MBNL2: variants seen among roughly 807,000 people sequenced by gnomAD.
MBNL2 encodes muscleblind-like protein 2.
Under a neutral mutation model 41.9 loss-of-function variants are expected in MBNL2, and 17 were observed. The observed-to-expected ratio is 0.41, with a 90% CI of 0.28 to 0.61. MBNL2 has a LOEUF of 0.61. Ranked by LOEUF, MBNL2 falls within the 20% of genes least tolerant of loss-of-function variation. The pLI is 0.35. For missense variants in MBNL2, 336 were observed against 505.6 expected (o/e 0.66, Z 3.22); for synonymous variants, 195 against 182.9 (o/e 1.07, Z -0.53).
Position 97,334,945 on chromosome 13 carries a change from A to T in MBNL2, c.339+505A>T, listed in dbSNP as rs72637467. Among the ~76,000 whole-genome samples, 23 of 152,344 alleles carry T rather than the reference A, an allele frequency of 1.5e-4. No homozygotes were observed. Among genetic ancestry groups the T allele is most frequent in the Admixed American group, 2.6e-4 (4 of 15,304 alleles). ...GACATGTTAGCAGAGCGCTTTCTGC[A>T]GTGTGTTCCAGGAAGATCCTAGTAA... On this transcript the variant is annotated intron_variant, in intron 3 of 8. Coordinates refer to ENST00000679496, the MANE Select transcript of MBNL2 (RefSeq NM_001382683.1). The surrounding 1 kb of genome is among the most constrained non-coding windows in gnomAD (Gnocchi z 5.3).
rs892625224 is a variant in MBNL2, at chr13:97,369,693, C to T, written c.1048+4522C>T. 3.8e-4 allele frequency among the ~76,000 whole-genome samples: 58 copies of T among 152,304 alleles called. 1 individual carries two copies. The highest frequency in any genetic ancestry group is 1.1e-3 in the Admixed American group (17 of 15,300). ...TAGGTCTAGTGCTATTTACACATTA[C>T]CCCACGGGGAGCCAAGCTGAACAAG... On this transcript the variant is annotated intron_variant, in intron 8 of 8. Transcript: ENST00000679496.
the MBNL2 span, among the ~76,000 whole-genome samples, chr13:97,163,073 C>G: frequency 2.0e-5 from 3 of 152,126 alleles, no homozygotes; most frequent in Non-Finnish European, 2.9e-5. Flanking sequence ...CCACTCTCAA[C>G]AACACCAACA....
At chr13:97,145,728 ATAGT>A in the MBNL2 span, among the ~76,000 whole-genome samples, 1 of 152,196 alleles carries the variant, frequency 6.6e-6, no homozygotes, top group Non-Finnish European at 1.5e-5. Flanking sequence ...TTATGAAATA[ATAGT>A]TTGTTGCAGA....
chr13:97,192,574 G>C, the MBNL2 span, among the ~76,000 whole-genome samples: 1 of 152,228 alleles, frequency 6.6e-6, no homozygotes, highest in Non-Finnish European at 1.5e-5. Context: ...GAACAGCCTC[G>C]TGGGTGCCCA....
At chr13:97,347,619 G>T (rs2062008708) in intron 5 of MBNL2, among the ~76,000 whole-genome samples, 1 of 152,214 alleles carries the variant, frequency 6.6e-6, no homozygotes, top group South Asian at 2.1e-4. Context: ...ATGCAGAATA[G>T]CAATGCATGA....
rs187686151 is a variant in MBNL2 at position 97,293,047 on chromosome 13, C to T, written c.174+16638C>T. On this transcript the variant is annotated intron_variant, in intron 2 of 8. Coordinates refer to ENST00000679496, the MANE Select transcript of MBNL2 (RefSeq NM_001382683.1). Reference sequence around the variant, plus strand: ...AGGACAAATTATTTTATCTCATCATCATTATTATTATTTTTACTTCTGTGT... The same window carrying T: ...AGGACAAATTATTTTATCTCATCATTATTATTATTATTTTTACTTCTGTGT... Among the ~76,000 whole-genome samples the T allele has an allele frequency of 9.8e-3, 1,444 of 148,060 alleles. 15 individuals carry two copies. The highest frequency in any genetic ancestry group is 0.031 in the African/African-American group (1,226 of 40,028).
At chr13:97,200,188 C>A in the MBNL2 span, among the ~76,000 whole-genome samples, 2 of 152,222 alleles carry the variant, frequency 1.3e-5, no homozygotes, top group East Asian at 1.9e-4. Flanking sequence ...CAGAGCTGCA[C>A]GTACACCCAC....
chr13:97,335,994 A>C (rs2060848863), intron 3 of MBNL2, among the ~76,000 whole-genome samples: 1 of 152,222 alleles, frequency 6.6e-6, no homozygotes, highest in Non-Finnish European at 1.5e-5. Flanking sequence ...TCAACATAAT[A>C]CCACCACATT....
intron 1 of MBNL2, among the ~76,000 whole-genome samples, chr13:97,252,569 T>G (rs1408647104): frequency 6.6e-6 from 1 of 152,222 alleles, no homozygotes; most frequent in Admixed American, 6.5e-5. Context: ...GTTAATTTTT[T>G]TGCTTGTCCA....
At chr13:97,318,914 C>G (rs966742747) in intron 2 of MBNL2, among the ~76,000 whole-genome samples, 5 of 152,162 alleles carry the variant, frequency 3.3e-5, no homozygotes, top group Admixed American at 6.5e-5. Flanking sequence ...GGTCTCCGCC[C>G]TCTCTAGGTA....
At chr13:97,154,108 A>C in the MBNL2 span, among the ~76,000 whole-genome samples, 4 of 152,206 alleles carry the variant, frequency 2.6e-5, no homozygotes, top group African/African-American at 7.2e-5. Context: ...TTTCTGTCTA[A>C]CATGTCTAGA....
chr13:97,255,921 G>A (rs897973402), intron 1 of MBNL2, among the ~76,000 whole-genome samples: 23 of 152,184 alleles, frequency 1.5e-4, no homozygotes, highest in African/African-American at 4.6e-4. Context: ...GAGCATGATC[G>A]TTTAGGAATG....
chr13:97,381,855 T>G (rs1011472436), intron 8 of MBNL2, among the ~76,000 whole-genome samples: 1 of 151,826 alleles, frequency 6.6e-6, no homozygotes, highest in Admixed American at 6.6e-5. Flanking sequence ...TTAATTAATA[T>G]TATGTAACAT....
the MBNL2 span, among the ~76,000 whole-genome samples, chr13:97,213,907 CTA>C: frequency 0.17 from 26,349 of 152,014 alleles, 3,059 homozygotes; most frequent in African/African-American, 0.34. Context: ...AACACACATG[CTA>C]TATGCTTCAT....
chr13:97,300,389 G>A (rs1201581154), intron 2 of MBNL2, among the ~76,000 whole-genome samples: 2 of 152,176 alleles, frequency 1.3e-5, no homozygotes, highest in African/African-American at 4.8e-5. Flanking sequence ...CGATTTCATA[G>A]AAGGTCGGTG....
chr13:97,208,069 C>A, the MBNL2 span, among the ~76,000 whole-genome samples: 2 of 152,196 alleles, frequency 1.3e-5, no homozygotes, highest in Non-Finnish European at 2.9e-5. Flanking sequence ...AGGGTACAGC[C>A]TCCTTCCCAG....
the MBNL2 span, among the ~76,000 whole-genome samples, chr13:97,194,542 G>A: frequency 1.3e-4 from 20 of 152,298 alleles, no homozygotes; most frequent in South Asian, 2.9e-3. Flanking sequence ...CTTGAATAAG[G>A]GCAGGGTAAA....
rs561887872 is a variant in MBNL2 at position 97,387,290 on chromosome 13, C to T, written c.1049-4032C>T. On this transcript the variant is annotated intron_variant, in intron 8 of 8. Transcript: ENST00000679496. ...CAGCTGAGGCAGCGGCACTGTGGTG[C>T]GGTAGGGTGTTCTGATGCTATAAGC... Among the ~76,000 whole-genome samples the T allele has an allele frequency of 1.3e-4, 20 of 152,222 alleles. No homozygotes were observed. In the South Asian group the frequency reaches 2.3e-3, roughly 17 times the overall value.
At chr13:97,159,364 T>C in the MBNL2 span, among the ~76,000 whole-genome samples, 15,248 of 151,860 alleles carry the variant, frequency 0.1, 806 homozygotes, top group South Asian at 0.15. Flanking sequence ...TGCCAGTCTG[T>C]GTCTTTTAAT....
Sources: allele counts gnomAD v4.1 joint callset (sites outside exome capture counted in the v4.1 genomes callset), GRCh38; gene constraint gnomAD v4.1.1; non-coding constraint Gnocchi (gnomAD v3.1); transcripts MANE v1.5; gene names NCBI Gene and HGNC (gene_info 2026-07-23, HGNC 2026-07-21).